The following DNAH11 variants were observed in gnomAD, a reference collection of about 807,000 sequenced individuals.
The protein encoded by DNAH11 is axonemal beta dynein heavy chain 11.
In DNAH11, 442 loss-of-function variants were observed where a neutral mutation model predicts 526.0. The observed-to-expected ratio is 0.84, with a 90% CI of 0.78 to 0.91. The LOEUF is 0.91. Ranked by LOEUF, DNAH11 falls within the 40% of genes least tolerant of loss-of-function variation. The pLI, the probability that DNAH11 is intolerant of heterozygous loss-of-function variation, is 0.00. For synonymous variants in DNAH11, 2,461 were observed against 1,935.9 expected, an observed-to-expected ratio of 1.27 and a Z score of -7.12; for missense variants, 6,989 against 5,448.7, an observed-to-expected ratio of 1.28 and a Z score of -8.90.
Position 21,639,044 on chromosome 7 carries a change from A to T in DNAH11, c.4923A>T (p.Ser1641=). The T allele has an allele frequency of 6.2e-7, 1 of 1,613,388 alleles. No individual in the cohort carries two copies. The highest frequency in any genetic ancestry group is 2.2e-5 in the East Asian group (1 of 44,862). The part of the protein sequence containing the change: ...VSSADLLDIL[S]KGAQPKQVTC... The stretch of plus-strand genomic sequence containing the variant: ...CTGCTGATTTACTTGACATTCTCTC[A>T]AAAGGAGCTCAGCCTAAACAGGTAA... Residue 1641 remains serine, a synonymous_variant, in exon 28 of 82, where the codon TCA becomes TCT. Coordinates refer to ENST00000409508, the MANE Select transcript of DNAH11 (RefSeq NM_001277115.2).
chr7:21,859,160 C>T (rs186780223), intron 68 of DNAH11, among the ~76,000 whole-genome samples: 271 of 152,176 alleles, frequency 1.8e-3, no homozygotes, highest in African/African-American at 6.3e-3. Context: ...GTCACCCAGA[C>T]TGGAATGTAG....
chr7:21,637,669 A>C lies in DNAH11; in HGVS notation c.4784A>C (p.Asn1595Thr), dbSNP rs1032900212. 4 of 1,578,104 alleles carry C rather than the reference A, an allele frequency of 2.5e-6. No individual in the cohort carries two copies. The African/African-American group carries it at 5.4e-5, about 21-fold the overall frequency. Residue 1595 changes from asparagine (N) to threonine (T), a missense_variant, in exon 27 of 82, where the codon AAT (asparagine) becomes ACT (threonine). Asn to Thr is a moderately conservative substitution (Grantham distance 65). Coordinates refer to ENST00000409508, the MANE Select transcript of DNAH11 (RefSeq NM_001277115.2). ...ENVLEATCRPNLYEKLKDLQS... is the reference protein window; with the variant it reads ...ENVLEATCRPTLYEKLKDLQS... ...GTGTTAGAAGCAACGTGCAGACCTAATCTCTATGAAAAACTTAAAGATTTA... is the reference window on the plus strand; with the variant it reads ...GTGTTAGAAGCAACGTGCAGACCTACTCTCTATGAAAAACTTAAAGATTTA...
At chr7:21,653,379 G>T (rs147879050) in intron 28 of DNAH11, among the ~76,000 whole-genome samples, 1 of 152,128 alleles carries the variant, frequency 6.6e-6, no homozygotes, top group African/African-American at 2.4e-5. Flanking sequence ...AACATCTAAC[G>T]TCAACTATGC....
chr7:21,852,342 C>A, intron 66 of DNAH11, 125 bp from the exon 67 acceptor site: 1 of 926,722 alleles, frequency 1.1e-6, no homozygotes, highest in Non-Finnish European at 1.5e-6. Flanking sequence ...AGGAGGCACA[C>A]GTCGCAGTGA....
intron 68 of DNAH11, 117 bp from the exon 69 acceptor site, chr7:21,861,736 T>G: frequency 9.7e-7 from 1 of 1,032,814 alleles, no homozygotes; most frequent in African/African-American, 1.6e-5. Context: ...CTCCTAAAAA[T>G]TTTGCCTCAT....
intron 45 of DNAH11, among the ~76,000 whole-genome samples, chr7:21,735,207 G>A (rs763820661): frequency 1.3e-4 from 20 of 152,250 alleles, no homozygotes; most frequent in Admixed American, 3.3e-4. Context: ...CATTGGTCCC[G>A]ATTTTCATTT....
In DNAH11 at chr7:21,564,220, G is replaced by T. The variant is rs773514488; in HGVS notation, c.1017G>T (p.Leu339=). Residue 339 remains leucine, a synonymous_variant, in exon 6 of 82, where the codon CTG becomes CTT. Transcript: ENST00000409508. ...LLEAQDVELY[L]RPLRRHIQCL... ...AAGCCCAAGATGTGGAACTTTACCT[G>T]AGACCTCTGAGGAGACACATCCAGT... is the stretch of plus-strand genomic sequence containing the variant. The T allele has an allele frequency of 2.5e-6, 4 of 1,606,326 alleles. No individual in the cohort carries two copies. The highest frequency in any genetic ancestry group is 2.6e-6 in the Non-Finnish European group (3 of 1,176,416).
Position 21,635,888 on chromosome 7 carries a change from T to G in DNAH11, c.4518T>G (p.Leu1506=), listed in dbSNP as rs1786840058. The G allele has an allele frequency of 6.2e-7, 1 of 1,611,172 alleles. No homozygotes were observed. The highest frequency in any genetic ancestry group is 1.3e-5 in the African/African-American group (1 of 74,916). Residue 1506 remains leucine (L), a synonymous_variant, in exon 26 of 82, where the codon CTT becomes CTG. Coordinates refer to ENST00000409508, the MANE Select transcript of DNAH11 (RefSeq NM_001277115.2). ...LEHNQVQLQT[L]LQSKYVEYFI... is the part of the protein sequence containing the mutation. ...TATTTTAGGTTCAGTTGCAGACTCT[T>G]CTTCAAAGCAAGTATGTAGAATATT...
At position 21,773,797 on chromosome 7, in the gene DNAH11, T is replaced by C. The variant is rs1486468277; in HGVS notation, c.9134T>C (p.Met3045Thr). Reference sequence around the variant, plus strand: ...CACAAAGACTCTATTAGCCTTTTCATGGCACATGTTCACACCACTGTAAAT... The same window carrying C: ...CACAAAGACTCTATTAGCCTTTTCACGGCACATGTTCACACCACTGTAAAT... ...PVHKDSISLF[M>T]AHVHTTVNEM... Residue 3045 changes from methionine (M) to threonine (T), a missense_variant, in exon 56 of 82, where the codon ATG (methionine) becomes ACG (threonine). Met to Thr is a moderately conservative substitution (Grantham distance 81). Transcript: ENST00000409508. 2.5e-6 allele frequency: 4 copies of C among 1,604,636 alleles called. No individual in the cohort carries two copies. The highest frequency in any genetic ancestry group is 3.4e-6 in the Non-Finnish European group (4 of 1,175,904).
intron 74 of DNAH11, among the ~76,000 whole-genome samples, chr7:21,879,912 C>A (rs771077643): frequency 6.6e-6 from 1 of 151,866 alleles, no homozygotes; most frequent in African/African-American, 2.4e-5. Flanking sequence ...TGGCAAAAAC[C>A]CATCTCTATT....
intron 14 of DNAH11, among the ~76,000 whole-genome samples, chr7:21,592,261 A>T (rs1289632089): frequency 1.3e-5 from 2 of 152,204 alleles, no homozygotes; most frequent in African/African-American, 4.8e-5. Context: ...AGCAGGTGGG[A>T]TAGGGAGTCG....
At chr7:21,547,691 G>A (rs983254358) in intron 2 of DNAH11, among the ~76,000 whole-genome samples, 1 of 152,116 alleles carries the variant, frequency 6.6e-6, no homozygotes, top group Admixed American at 6.6e-5. Flanking sequence ...CTACATGCAT[G>A]AGCCATGAGG....
At chr7:21,785,448 A>G (rs1238668974) in intron 58 of DNAH11, among the ~76,000 whole-genome samples, 1 of 152,220 alleles carries the variant, frequency 6.6e-6, no homozygotes, top group Non-Finnish European at 1.5e-5. Flanking sequence ...CTAATTAGCA[A>G]TGTGACACAT....
In DNAH11 at chr7:21,564,219, T is replaced by A; in HGVS notation, c.1016T>A (p.Leu339Gln). ...LLEAQDVELYLRPLRRHIQCL... is the reference protein window; with the variant it reads ...LLEAQDVELYQRPLRRHIQCL... ...GAAGCCCAAGATGTGGAACTTTACC[T>A]GAGACCTCTGAGGAGACACATCCAG... Residue 339 changes from leucine to glutamine, a missense_variant, in exon 6 of 82, where the codon CTG (leucine) becomes CAG (glutamine). Transcript: ENST00000409508. 2.5e-6 allele frequency: 4 copies of A among 1,607,300 alleles called. No homozygotes were observed. The highest frequency in any genetic ancestry group is 3.4e-6 in the Non-Finnish European group (4 of 1,176,804).
At chr7:21,852,404 CT>C in intron 66 of DNAH11, 62 bp from the exon 67 acceptor site, 2 of 742,218 alleles carry the variant, frequency 2.7e-6, no homozygotes, top group Non-Finnish European at 4.0e-6. Context: ...AAGACTTCCT[CT>C]AAAAAAAAAA....
chr7:21,621,970 G>A (rs1203374333), intron 25 of DNAH11, among the ~76,000 whole-genome samples: 1 of 152,128 alleles, frequency 6.6e-6, no homozygotes, highest in Admixed American at 6.6e-5. Flanking sequence ...TCTGACCAGG[G>A]CATTTTGGCA....
At chr7:21,605,151 A>T (rs1785233269) in intron 18 of DNAH11, among the ~76,000 whole-genome samples, 1 of 152,242 alleles carries the variant, frequency 6.6e-6, no homozygotes, top group African/African-American at 2.4e-5. Flanking sequence ...TGTTCACCAC[A>T]CAAATAGTAT....
chr7:21,616,606 T>C (rs1291256566), intron 22 of DNAH11, among the ~76,000 whole-genome samples: 1 of 152,170 alleles, frequency 6.6e-6, no homozygotes, highest in African/African-American at 2.4e-5. Flanking sequence ...TGAAAGCTTT[T>C]GATTTCTTTG....
At chr7:21,561,789 C>G (rs1199920721) in intron 5 of DNAH11, among the ~76,000 whole-genome samples, 1 of 152,184 alleles carries the variant, frequency 6.6e-6, no homozygotes, top group Non-Finnish European at 1.5e-5. Context: ...GTTCATGTTT[C>G]TTTGCACATG....
Sources: allele counts gnomAD v4.1 joint callset (sites outside exome capture counted in the v4.1 genomes callset), GRCh38; gene constraint gnomAD v4.1.1; transcripts MANE v1.5; gene names NCBI Gene and HGNC (gene_info 2026-07-23, HGNC 2026-07-21).